CCNY: variants seen among roughly 807,000 people sequenced by gnomAD.
The protein encoded by CCNY is cyclin-Y.
In CCNY, 19 loss-of-function variants were observed where a neutral mutation model predicts 42.8. The ratio of observed to expected loss-of-function variants is 0.44; its 90% CI spans 0.31 to 0.65. The LOEUF is 0.65. Among genes scored for constraint, CCNY ranks in the 30% least tolerant of loss-of-function variants. The pLI, the probability that CCNY is intolerant of heterozygous loss-of-function variation, is 0.07. For synonymous variants in CCNY, 165 were observed against 162.7 expected (o/e 1.01, Z -0.11); for missense variants, 370 against 437.3 (o/e 0.85, Z 1.37).
In CCNY at chr10:35,572,544, T is replaced by C. The variant is rs1841708033; in HGVS notation, c.*3374T>C. On this transcript the variant is annotated 3_prime_UTR_variant, in exon 10 of 10. Transcript: ENST00000374704. ...ATCCACCCCCCTCAGCCTCCCAAAG[T>C]GCTGAGATTACAGGCGTGAGCCACT... 6.6e-6 allele frequency: 1 copy of C among 152,192 alleles called. No individual in the cohort carries two copies. The highest frequency in any genetic ancestry group is 2.4e-5 in the African/African-American group (1 of 41,438). The allele number at this position is 152,192 out of a possible 1,614,324, so 9.4% of individuals were successfully genotyped here.
intron 1 of CCNY, among the ~76,000 whole-genome samples, chr10:35,400,655 A>G (rs1195438055): frequency 6.6e-6 from 1 of 152,212 alleles, no homozygotes; most frequent in Non-Finnish European, 1.5e-5. Flanking sequence ...GGGCAGGAAT[A>G]TTTATTAATG....
chr10:35,250,306 A>G (rs935056593), intron 2 of CCNY, among the ~76,000 whole-genome samples: 4 of 152,048 alleles, frequency 2.6e-5, no homozygotes, highest in African/African-American at 9.7e-5. Context: ...CAGAGGTTGC[A>G]GTGAGTCAAG....
At chr10:35,325,039 C>T (rs1564369087) in intron 3 of CCNY, among the ~76,000 whole-genome samples, 1 of 152,126 alleles carries the variant, frequency 6.6e-6, no homozygotes, top group East Asian at 1.9e-4. Context: ...AATTAGCTAG[C>T]TGTATAAACA....
At chr10:35,469,223 C>A (rs983503502) in intron 1 of CCNY, among the ~76,000 whole-genome samples, 2 of 152,228 alleles carry the variant, frequency 1.3e-5, no homozygotes, top group Non-Finnish European at 2.9e-5. Flanking sequence ...GGCCGTTGAC[C>A]CTGCTTTCTT....
At chr10:35,444,762 A>G (rs1490914587) in intron 1 of CCNY, among the ~76,000 whole-genome samples, 3 of 152,212 alleles carry the variant, frequency 2.0e-5, no homozygotes, top group South Asian at 2.1e-4. Context: ...TTTGCAAATG[A>G]AATTAGATTT....
rs1187864267 is a variant in CCNY, at chr10:35,569,432, TAAAGGG to T, written c.*271_*276del. Reference sequence around the variant, plus strand: ...TGGACTCGAATCCTGGAGGAGGAAATAAAGGGAAAGGGAAGTCGTGGAGAGGCAGGG... The same window carrying T: ...TGGACTCGAATCCTGGAGGAGGAAATAAAGGGAAGTCGTGGAGAGGCAGGG... On this transcript the variant is annotated 3_prime_UTR_variant, in exon 10 of 10. Coordinates refer to ENST00000374704, the MANE Select transcript of CCNY (RefSeq NM_145012.6). The T allele has an allele frequency of 4.0e-6, 2 of 497,316 alleles. No individual in the cohort carries two copies. Among genetic ancestry groups the T allele is most frequent in the Non-Finnish European group, 7.3e-6 (2 of 273,390 alleles). 30.8% of individuals were successfully genotyped at this position (497,316 alleles called of 1,614,324 possible). A position where few individuals can be genotyped will look rare whatever the true frequency, so the allele number is the denominator to read the frequency against.
intron 3 of CCNY, among the ~76,000 whole-genome samples, chr10:35,276,504 G>A (rs1164321691): frequency 1.3e-5 from 2 of 152,106 alleles, no homozygotes; most frequent in Non-Finnish European, 2.9e-5. Context: ...TCCTACCTCA[G>A]CCTCTGTAGT....
At chr10:35,270,047 G>A (rs962304866) in intron 3 of CCNY, among the ~76,000 whole-genome samples, 6 of 151,966 alleles carry the variant, frequency 3.9e-5, no homozygotes, top group African/African-American at 1.5e-4. Flanking sequence ...TTCCACCTAA[G>A]ACCTCATCAG....
rs545869958 is a variant in CCNY at position 35,468,257 on chromosome 10, C to T, written c.155-15147C>T. Among the ~76,000 whole-genome samples the T allele has an allele frequency of 5.3e-5, 8 of 152,298 alleles. No individual in the cohort carries two copies. In the East Asian group the frequency reaches 7.7e-4, roughly 15 times the overall value. ...CTTTCATAAGGGCGCTAATCGCATT[C>T]GTGAGGGCTCTGCCCTCATGACCCA... On this transcript the variant is annotated intron_variant, in intron 1 of 9. Coordinates refer to ENST00000374704, the MANE Select transcript of CCNY (RefSeq NM_145012.6).
chr10:35,352,014 C>T (rs764070303), intron 1 of CCNY, among the ~76,000 whole-genome samples: 3 of 152,156 alleles, frequency 2.0e-5, no homozygotes, highest in Non-Finnish European at 4.4e-5. Flanking sequence ...AAGTGATCTA[C>T]CTAGTTTTCA....
intron 2 of CCNY, among the ~76,000 whole-genome samples, chr10:35,496,541 A>C (rs1379502855): frequency 6.6e-6 from 1 of 152,132 alleles, no homozygotes; most frequent in Admixed American, 6.5e-5. Flanking sequence ...TTAGAAATGG[A>C]AGAGGAGAGT....
intron 1 of CCNY, among the ~76,000 whole-genome samples, chr10:35,343,930 C>T (rs1836243091): frequency 6.6e-6 from 1 of 152,308 alleles, no homozygotes; most frequent in South Asian, 2.1e-4. Flanking sequence ...ACTTGTCACA[C>T]TTCAAAGTGT....
At chr10:35,446,943 A>G (rs190481872) in intron 1 of CCNY, among the ~76,000 whole-genome samples, 2 of 152,378 alleles carry the variant, frequency 1.3e-5, no homozygotes, top group Admixed American at 6.5e-5. Context: ...AATTGATTAT[A>G]CAGATTTTGG....
chr10:35,473,842 C>T (rs1345832983), intron 1 of CCNY, among the ~76,000 whole-genome samples: 13 of 152,252 alleles, frequency 8.5e-5, no homozygotes, highest in Admixed American at 6.5e-4. Flanking sequence ...CCAGCCTGAG[C>T]GACGCAGAAG....
At chr10:35,384,879 G>A (rs1387540828) in intron 1 of CCNY, among the ~76,000 whole-genome samples, 1 of 152,172 alleles carries the variant, frequency 6.6e-6, no homozygotes, top group Non-Finnish European at 1.5e-5. Context: ...TGATGCCTTG[G>A]TGGGATTATC....
chr10:35,565,997 A>T (rs756277416), intron 8 of CCNY, 26 bp from the exon 9 acceptor site: 2 of 1,602,732 alleles, frequency 1.2e-6, no homozygotes, highest in Admixed American at 3.4e-5. Flanking sequence ...AGCTAAGCAT[A>T]GGCTATTTTT....
chr10:35,284,746 T>A (rs1835335080), intron 3 of CCNY, among the ~76,000 whole-genome samples: 1 of 152,130 alleles, frequency 6.6e-6, no homozygotes, highest in South Asian at 2.1e-4. Context: ...AATATAAGCA[T>A]CTGATGGCAT....
chr10:35,279,204 C>A (rs1468417503), intron 3 of CCNY, among the ~76,000 whole-genome samples: 2 of 148,894 alleles, frequency 1.3e-5, no homozygotes, highest in African/African-American at 5.0e-5. Flanking sequence ...CAACCTCCGT[C>A]TCCCCAGTTC....
intron 3 of CCNY, among the ~76,000 whole-genome samples, chr10:35,297,083 C>T (rs1835479398): frequency 6.6e-6 from 1 of 151,536 alleles, no homozygotes; most frequent in African/African-American, 2.4e-5. Context: ...TCCAGTAGCA[C>T]ATCAAAAAGC....
Sources: allele counts gnomAD v4.1 joint callset (sites outside exome capture counted in the v4.1 genomes callset), GRCh38; gene constraint gnomAD v4.1.1; transcripts MANE v1.5; gene names NCBI Gene and HGNC (gene_info 2026-07-23, HGNC 2026-07-21).